Variants in DACH2 observed in about 807,000 individuals in gnomAD.
The protein encoded by DACH2 is dachshund family transcription factor 2, also known as dachshund homolog 2.
DACH2 carries 17 observed loss-of-function variants against 35.8 expected under a neutral mutation model. The observed-to-expected ratio is 0.48, with a 90% CI of 0.33 to 0.71. The LOEUF is 0.71. DACH2 is among the 30% of genes least tolerant of loss of function. DACH2 has a pLI of 0.02. For missense variants in DACH2, 469 were observed against 472.7 expected (o/e 0.99, Z 0.07); for synonymous variants, 195 against 177.3 (o/e 1.10, Z -0.79).
intron 4 of DACH2, among the ~76,000 whole-genome samples, chrX:86,679,616 C>CTG (rs67988965): frequency 0.027 from 2,611 of 96,244 alleles, 42 homozygotes; most frequent in South Asian, 0.057. Context: ...CTCTCTGTCT[C>CTG]TGTGTGTGTG....
intron 3 of DACH2, among the ~76,000 whole-genome samples, chrX:86,521,342 TC>T (rs1165019782): frequency 9.0e-6 from 1 of 111,718 alleles, no homozygotes; most frequent in Admixed American, 9.5e-5. Flanking sequence ...ATTCTTACTT[TC>T]ATTTTGACCT....
Position 86,303,562 on chromosome X carries a change from T to G in DACH2, c.489-73262T>G, listed in dbSNP as rs2034617016. Among the ~76,000 whole-genome samples, 4 of 110,776 alleles carry G rather than the reference T, an allele frequency of 3.6e-5. No homozygotes were observed. The Admixed American group carries it at 3.9e-4, about 11-fold the overall frequency. ...GTTAGTGGGGTACTGAAGAGAGGACTCAAGTATCAGTTGGGAAGTGGGGTA... is the reference window on the plus strand; with the variant it reads ...GTTAGTGGGGTACTGAAGAGAGGACGCAAGTATCAGTTGGGAAGTGGGGTA... On this transcript the variant is annotated intron_variant, in intron 1 of 11. Transcript: ENST00000373125.
chrX:86,431,963 G>C (rs2036991732), intron 2 of DACH2, among the ~76,000 whole-genome samples: 1 of 111,983 alleles, frequency 8.9e-6, no homozygotes, highest in Non-Finnish European at 1.9e-5. Context: ...TATTGTTAGA[G>C]TTTTTACAGT....
chrX:86,779,918 C>A lies in DACH2; in HGVS notation c.1241-32938C>A, dbSNP rs1050306287. ...TGCCCCAATAAAGCACTTTGGCTGGCACCAGCCATTAGGTTGTTGCTGCTC... is the reference window on the plus strand; with the variant it reads ...TGCCCCAATAAAGCACTTTGGCTGGAACCAGCCATTAGGTTGTTGCTGCTC... On this transcript the variant is annotated intron_variant, in intron 7 of 11. Transcript: ENST00000373125. 9.9e-5 allele frequency among the ~76,000 whole-genome samples: 11 copies of A among 111,361 alleles called. No homozygotes were observed. In the East Asian group the frequency reaches 3.1e-3, roughly 32 times the overall value.
chrX:86,583,150 C>A (rs1320668728), intron 3 of DACH2, among the ~76,000 whole-genome samples: 2 of 111,264 alleles, frequency 1.8e-5, no homozygotes, highest in Non-Finnish European at 3.8e-5. Flanking sequence ...AAGGCTTTCA[C>A]TAAAATTCAA....
chrX:86,591,156 C>T (rs1177206515), intron 3 of DACH2, among the ~76,000 whole-genome samples: 2 of 111,743 alleles, frequency 1.8e-5, no homozygotes, highest in Non-Finnish European at 3.8e-5. Flanking sequence ...GTGAACTCGT[C>T]ATTTTTTATG....
chrX:86,806,597 C>T (rs1281423335), intron 7 of DACH2, among the ~76,000 whole-genome samples: 1 of 112,074 alleles, frequency 8.9e-6, no homozygotes, highest in Non-Finnish European at 1.9e-5. Context: ...TAAACTTAGC[C>T]TGAAGGTAGT....
intron 2 of DACH2, among the ~76,000 whole-genome samples, chrX:86,479,413 C>G (rs1315491237): frequency 9.0e-6 from 1 of 111,217 alleles, no homozygotes; most frequent in African/African-American, 3.3e-5. Flanking sequence ...TCCCTGCCCC[C>G]TGTTCCATAT....
chrX:86,192,750 A>G (rs1356804385), intron 1 of DACH2, among the ~76,000 whole-genome samples: 1 of 112,455 alleles, frequency 8.9e-6, no homozygotes, highest in Admixed American at 9.5e-5. Flanking sequence ...ATCTTCAAGG[A>G]ATACTGTGGG....
At chrX:86,455,732 G>T (rs770227263) in intron 2 of DACH2, among the ~76,000 whole-genome samples, 91 of 112,433 alleles carry the variant, frequency 8.1e-4, no homozygotes, top group Middle Eastern at 9.3e-3. Context: ...CCAGCCTGCT[G>T]CCACTGGGTG....
At chrX:86,785,668 G>A (rs1293086524) in intron 7 of DACH2, among the ~76,000 whole-genome samples, 2 of 111,352 alleles carry the variant, frequency 1.8e-5, no homozygotes, top group Admixed American at 9.6e-5. Context: ...TGTGGTAGTC[G>A]GGCAGCATAT....
At chrX:86,176,968 T>C (rs1388034777) in intron 1 of DACH2, among the ~76,000 whole-genome samples, 1 of 111,524 alleles carries the variant, frequency 9.0e-6, no homozygotes, top group Non-Finnish European at 1.9e-5. Context: ...AGCACATTAC[T>C]ATTTTAAAGT....
intron 2 of DACH2, among the ~76,000 whole-genome samples, chrX:86,383,764 G>C (rs2036082866): frequency 9.2e-6 from 1 of 108,276 alleles, no homozygotes; most frequent in South Asian, 4.0e-4. Context: ...GAGTGACTAA[G>C]ATAATGTTGT....
intron 3 of DACH2, among the ~76,000 whole-genome samples, chrX:86,565,670 G>A (rs750831623): frequency 8.1e-4 from 91 of 111,783 alleles, no homozygotes; most frequent in Non-Finnish European, 6.2e-4. Flanking sequence ...GATGGAATAA[G>A]TGGTAGCAAA....
At chrX:86,651,201 C>A in intron 4 of DACH2, 34 bp downstream of exon 4, 19 of 1,186,123 alleles carry the variant, frequency 1.6e-5, no homozygotes, top group Non-Finnish European at 2.0e-5. Flanking sequence ...ACCAATGACT[C>A]TTACTGTTCT....
intron 5 of DACH2, among the ~76,000 whole-genome samples, chrX:86,711,340 C>A (rs1212951543): frequency 5.4e-5 from 6 of 111,634 alleles, no homozygotes; most frequent in Non-Finnish European, 1.1e-4. Context: ...CTCTCCACTG[C>A]ACTTCAGCCT....
At chrX:86,720,496 A>C (rs1376181697) in intron 6 of DACH2, among the ~76,000 whole-genome samples, 1 of 111,895 alleles carries the variant, frequency 8.9e-6, no homozygotes, top group East Asian at 2.8e-4. Context: ...TAAACCTTAA[A>C]GTTCCCTAAC....
intron 3 of DACH2, among the ~76,000 whole-genome samples, chrX:86,527,757 A>G (rs1461697461): frequency 1.9e-4 from 21 of 111,820 alleles, no homozygotes; most frequent in Non-Finnish European, 1.9e-4. Flanking sequence ...GTCTATGTTT[A>G]TAGGAAACTT....
At chrX:86,703,485 C>G (rs2041169551) in intron 5 of DACH2, among the ~76,000 whole-genome samples, 1 of 111,315 alleles carries the variant, frequency 9.0e-6, no homozygotes, top group Non-Finnish European at 1.9e-5. Flanking sequence ...TAAAATATCT[C>G]TCTTCACTAA....
Sources: allele counts gnomAD v4.1 joint callset (sites outside exome capture counted in the v4.1 genomes callset), GRCh38; gene constraint gnomAD v4.1.1; transcripts MANE v1.5; gene names NCBI Gene and HGNC (gene_info 2026-07-23, HGNC 2026-07-21).